TXN2: variants seen among roughly 807,000 people sequenced by gnomAD.
TXN2 encodes the protein thioredoxin, mitochondrial.
Under a neutral mutation model 14.6 loss-of-function variants are expected in TXN2, and 12 were observed. That is an observed-to-expected ratio of 0.82 (90% CI 0.53 to 1.33). The LOEUF (loss-of-function observed/expected upper bound fraction) is 1.33, where lower values mean the gene tolerates loss of function less well. Among genes scored for constraint, TXN2 ranks in the 40% most tolerant of loss-of-function variants. The pLI, the probability that TXN2 is intolerant of heterozygous loss-of-function variation, is 0.00. For missense variants in TXN2, 173 were observed against 207.7 expected (o/e 0.83, Z 1.03); for synonymous variants, 89 against 81.0 (o/e 1.10, Z -0.53).
rs1013575448 is a variant in TXN2 at position 36,477,417 on chromosome 22, C to A, written c.264-561G>T. 7.2e-5 allele frequency among the ~76,000 whole-genome samples: 11 copies of A among 152,184 alleles called. No homozygotes were observed. The East Asian group carries it at 1.9e-3, about 27-fold the overall frequency. On this transcript the variant is annotated intron_variant, in intron 2 of 3. Coordinates refer to ENST00000216185, the MANE Select transcript of TXN2 (RefSeq NM_012473.4). ...TAGAGACGGGGTTTCACCGTGTTAG[C>A]CAGGATGGTCTCGATCTCCTGACCT...
intron 2 of TXN2, among the ~76,000 whole-genome samples, chr22:36,480,072 A>T (rs911011596): frequency 2.0e-5 from 3 of 152,086 alleles, no homozygotes; most frequent in Admixed American, 1.3e-4. Context: ...TAATAGAGAC[A>T]GGGTATCACC....
rs61730811 is a variant in TXN2 at position 36,480,673 on chromosome 22, C to T, written c.165G>A (p.Thr55=). The T allele has an allele frequency of 1.2e-6, 2 of 1,614,158 alleles. No homozygotes were observed. The highest frequency in any genetic ancestry group is 1.1e-5 in the South Asian group (1 of 91,076). Residue 55 remains threonine, a synonymous_variant, in exon 2 of 4, where the codon ACG becomes ACA. Coordinates refer to ENST00000216185, the MANE Select transcript of TXN2 (RefSeq NM_012473.4). The part of the protein sequence containing the change: ...TPNPARTIYT[T]RISLTTFNIQ... ...TATTAAAGGTTGTCAAGGAGATCCTCGTGGTGTATATTGTCCGGGCTGGGT... is the reference window on the plus strand; with the variant it reads ...TATTAAAGGTTGTCAAGGAGATCCTTGTGGTGTATATTGTCCGGGCTGGGT...
At chr22:36,477,887 A>C (rs1237553080) in intron 2 of TXN2, among the ~76,000 whole-genome samples, 1 of 152,130 alleles carries the variant, frequency 6.6e-6, no homozygotes, top group African/African-American at 2.4e-5. Flanking sequence ...CTATAATTCC[A>C]GCACTTTGGG....
rs528435981 is a variant in TXN2 at position 36,471,182 on chromosome 22, TG to T, written c.388-3266del. On this transcript the variant is annotated intron_variant, in intron 3 of 3. Coordinates refer to ENST00000216185, the MANE Select transcript of TXN2 (RefSeq NM_012473.4). ...GCACATTCTTCTGGAATGTTTTGAG[TG>T]TGAAAGAGGCAGTGACTGAGCCAAC... 4.5e-3 allele frequency among the ~76,000 whole-genome samples: 677 copies of T among 152,080 alleles called. 4 individuals carry two copies. Among genetic ancestry groups the T allele is most frequent in the African/African-American group, 0.016 (646 of 41,480 alleles).
At chr22:36,480,908 A>T (rs1933488988) in intron 1 of TXN2, 71 bp from the exon 2 acceptor site, 1 of 1,489,238 alleles carries the variant, frequency 6.7e-7, no homozygotes, top group African/African-American at 1.4e-5. Context: ...AGATTTGGGG[A>T]GTACTCAGGG....
chr22:36,469,426 GGACAGCAT>G, intron 3 of TXN2, among the ~76,000 whole-genome samples: 1 of 152,320 alleles, frequency 6.6e-6, no homozygotes, highest in East Asian at 1.9e-4. Context: ...GACTTCTACT[GGACAGCAT>G]GAGAGGAGAG....
rs368364103 is a variant in TXN2, at chr22:36,474,214, CT to C, written c.387+2518del. Among the ~76,000 whole-genome samples, 491 of 152,316 alleles carry C rather than the reference CT, an allele frequency of 3.2e-3. 3 individuals are homozygous for C. Among genetic ancestry groups the C allele is most frequent in the African/African-American group, 0.011 (472 of 41,576 alleles). Reference sequence around the variant, plus strand: ...AAGTGACTCACCCCTCCCCCAGCCCCTGTAAACAGCCCTCAGTTCCTAACTC... The same window carrying C: ...AAGTGACTCACCCCTCCCCCAGCCCCGTAAACAGCCCTCAGTTCCTAACTC... On this transcript the variant is annotated intron_variant, in intron 3 of 3. Transcript: ENST00000216185.
chr22:36,473,749 G>C (rs532473333), intron 3 of TXN2, among the ~76,000 whole-genome samples: 1 of 152,156 alleles, frequency 6.6e-6, no homozygotes, highest in African/African-American at 2.4e-5. Flanking sequence ...GGAGCGGTGG[G>C]TGTGGGGGGA....
intron 3 of TXN2, among the ~76,000 whole-genome samples, chr22:36,473,685 C>G (rs1933328181): frequency 6.6e-6 from 1 of 152,196 alleles, no homozygotes; most frequent in African/African-American, 2.4e-5. Flanking sequence ...GTGGGCCTAG[C>G]AGCCTTGAGG....
At chr22:36,478,752 G>C (rs146903575) in intron 2 of TXN2, among the ~76,000 whole-genome samples, 1 of 151,678 alleles carries the variant, frequency 6.6e-6, no homozygotes, top group African/African-American at 2.4e-5. Flanking sequence ...ATCACCTGTG[G>C]TCAGGAGTTT....
At chr22:36,470,453 T>C (rs1183051117) in intron 3 of TXN2, among the ~76,000 whole-genome samples, 1 of 152,090 alleles carries the variant, frequency 6.6e-6, no homozygotes, top group Non-Finnish European at 1.5e-5. Context: ...GCAGCTGGAG[T>C]GCCTCAAAGC....
At chr22:36,468,476 C>T (rs1426676494) in intron 3 of TXN2, 2 of 305,328 alleles carry the variant, frequency 6.6e-6, no homozygotes, top group Non-Finnish European at 1.3e-5. Context: ...ATAATCCCAG[C>T]CTTCTGGGAG....
intron 2 of TXN2, among the ~76,000 whole-genome samples, chr22:36,477,787 T>C (rs1933416398): frequency 6.6e-6 from 1 of 152,146 alleles, no homozygotes; most frequent in Non-Finnish European, 1.5e-5. Context: ...TTAAGAAACC[T>C]GTGCAAGATT....
intron 3 of TXN2, among the ~76,000 whole-genome samples, chr22:36,471,178 T>C (rs1933266620): frequency 6.6e-6 from 1 of 152,104 alleles, no homozygotes; most frequent in African/African-American, 2.4e-5. Context: ...TGGAATGTTT[T>C]GAGTGTGAAA....
At chr22:36,477,259 G>C (rs888235051) in intron 2 of TXN2, among the ~76,000 whole-genome samples, 8 of 152,150 alleles carry the variant, frequency 5.3e-5, no homozygotes, top group African/African-American at 1.9e-4. Context: ...CCAGGCTGGA[G>C]TGCAGTGGCG....
In TXN2 at chr22:36,474,081, G is replaced by A. The variant is rs561461184; in HGVS notation, c.387+2652C>T. On this transcript the variant is annotated intron_variant, in intron 3 of 3. Coordinates refer to ENST00000216185, the MANE Select transcript of TXN2 (RefSeq NM_012473.4). ...CCTGTGGGAGGCCCTAGGAGCCCCA[G>A]CCCGGGCTCTCACCCGAGGCATAGC... is the stretch of plus-strand genomic sequence containing the variant. Among the ~76,000 whole-genome samples, 32 of 152,332 alleles carry A rather than the reference G, an allele frequency of 2.1e-4. No homozygotes were observed. The South Asian group carries it at 6.4e-3, about 31-fold the overall frequency.
rs1234744290 is a variant in TXN2 at position 36,476,801 on chromosome 22, G to T, written c.319C>A (p.Gln107Lys). 6.2e-7 allele frequency: 1 copy of T among 1,614,142 alleles called. No homozygotes were observed. ...TTGGCCATCACCACCTTCCCGTGCT[G>T]CTTGGCCACCATCTTCTCTAACCTC... Reference protein sequence around the residue: ...GPRLEKMVAKQHGKVVMAKVD... With the variant: ...GPRLEKMVAKKHGKVVMAKVD... The change falls in exon 3 of 4, where the codon CAG becomes AAG. Residue 107 changes from glutamine (Q) to lysine (K), a missense_variant. Gln to Lys is a moderately conservative substitution (Grantham distance 53). Coordinates refer to ENST00000216185, the MANE Select transcript of TXN2 (RefSeq NM_012473.4).
intron 1 of TXN2, 160 bp from the exon 2 acceptor site, chr22:36,480,997 G>C (rs1933490854): frequency 1.3e-6 from 1 of 744,992 alleles, no homozygotes; most frequent in African/African-American, 1.8e-5. Context: ...AGGAAGCAAT[G>C]AGAATCAAAG....
At chr22:36,473,958 G>T (rs984842416) in intron 3 of TXN2, among the ~76,000 whole-genome samples, 3 of 152,208 alleles carry the variant, frequency 2.0e-5, no homozygotes, top group Non-Finnish European at 4.4e-5. Context: ...TGGCCCTCAG[G>T]GGGTGTCTGC....
Sources: allele counts gnomAD v4.1 joint callset (sites outside exome capture counted in the v4.1 genomes callset), GRCh38; gene constraint gnomAD v4.1.1; transcripts MANE v1.5; gene names NCBI Gene and HGNC (gene_info 2026-07-23, HGNC 2026-07-21).